KCNQ1OT1: variants seen among roughly 807,000 people sequenced by gnomAD.
The protein encoded by KCNQ1OT1 is KCNQ1 antisense RNA 2 (non-protein coding).
At chr11:2,643,028 T>G in exon 1 of KCNQ1OT1, 1 of 398,008 alleles carries the variant, frequency 2.5e-6, no homozygotes, top group Non-Finnish European at 4.4e-6. Context: ...ATATGTGATA[T>G]GAATCCAATT....
chr11:2,693,446 C>T, exon 1 of KCNQ1OT1: 1 of 398,674 alleles, frequency 2.5e-6, no homozygotes, highest in Non-Finnish European at 4.4e-6. Context: ...GGCCCCCCAT[C>T]GAGTCCCCAT....
At position 2,670,905 on chromosome 11, in the gene KCNQ1OT1, G is replaced by A. The variant is rs1054162411; in HGVS notation, n.29090C>T. On this transcript the variant is annotated non_coding_transcript_exon_variant, in exon 1 of 1. Transcript: ENST00000597346. This position sits in a 1 kb window ranked among gnomAD's most constrained non-coding sequence, Gnocchi z 4.9. ...CCTCCTGGATTGCCTGGACAAGGCT[G>A]ACCTGCCCTCCCAGGATGCAAATTG... 1 of 398,556 alleles carries A rather than the reference G, an allele frequency of 2.5e-6. No homozygotes were observed. Among genetic ancestry groups the A allele is most frequent in the African/African-American group, 2.1e-5 (1 of 48,640 alleles). 24.7% of individuals were successfully genotyped at this position (398,556 alleles called of 1,614,324 possible).
chr11:2,646,606 A>G (rs1849669796), exon 1 of KCNQ1OT1: 2 of 398,484 alleles, frequency 5.0e-6, no homozygotes, highest in East Asian at 3.6e-5. Flanking sequence ...GCTCACTGCA[A>G]CCTTCACCTC....
In KCNQ1OT1 at chr11:2,695,470, G is replaced by T. The variant is rs777151157; in HGVS notation, n.4525C>A. The T allele has an allele frequency of 8.3e-5, 33 of 398,422 alleles. No homozygotes were observed. Among genetic ancestry groups the T allele is most frequent in the Non-Finnish European group, 1.4e-4 (31 of 226,104 alleles). The allele number at this position is 398,422 out of a possible 1,614,324, so 24.7% of individuals were successfully genotyped here. ...GTCACTCAGCACTGTGTTTCCACGCGTCTCTATCTTGTGAAGTGTACATCT... is the reference window on the plus strand; with the variant it reads ...GTCACTCAGCACTGTGTTTCCACGCTTCTCTATCTTGTGAAGTGTACATCT... On this transcript the variant is annotated non_coding_transcript_exon_variant, in exon 1 of 1. Coordinates refer to ENST00000597346, the Ensembl canonical transcript of KCNQ1OT1. This position sits in a 1 kb window ranked among gnomAD's most constrained non-coding sequence, Gnocchi z 5.2.
chr11:2,627,371 T>C lies in KCNQ1OT1; in HGVS notation n.72624A>G. The C allele has an allele frequency of 2.5e-6, 1 of 398,520 alleles. No homozygotes were observed. 24.7% of individuals were successfully genotyped at this position (398,520 alleles called of 1,614,324 possible). A position where few individuals can be genotyped will look rare whatever the true frequency, so the allele number is the denominator to read the frequency against. The stretch of plus-strand genomic sequence containing the variant: ...AGCAAATTCCAAGTATAGAATATAT[T>C]AACTATAGTCACCAATCTGGACGTT... On this transcript the variant is annotated non_coding_transcript_exon_variant, in exon 1 of 1. Coordinates refer to ENST00000597346, the Ensembl canonical transcript of KCNQ1OT1. This position sits in a 1 kb window ranked among gnomAD's most constrained non-coding sequence, Gnocchi z 4.9.
At position 2,690,919 on chromosome 11, in the gene KCNQ1OT1, C is replaced by T. The variant is rs566356512; in HGVS notation, n.9076G>A. 7.5e-6 allele frequency: 3 copies of T among 398,312 alleles called. No homozygotes were observed. Among genetic ancestry groups the T allele is most frequent in the African/African-American group, 2.1e-5 (1 of 48,542 alleles). The allele number at this position is 398,312 out of a possible 1,614,324, so 24.7% of individuals were successfully genotyped here. ...GGGTTTTGTCATGTGTAGGTCCCAG[C>T]GGCTTTAAGCCAACCTGAAAGGTTC... On this transcript the variant is annotated non_coding_transcript_exon_variant, in exon 1 of 1. Coordinates refer to ENST00000597346, the Ensembl canonical transcript of KCNQ1OT1. This position sits in a 1 kb window ranked among gnomAD's most constrained non-coding sequence, Gnocchi z 5.1.
rs186767935 is a variant in KCNQ1OT1, at chr11:2,669,035, C to T, written n.30960G>A. On this transcript the variant is annotated non_coding_transcript_exon_variant, in exon 1 of 1. Transcript: ENST00000597346. The surrounding 1 kb of genome is among the most constrained non-coding windows in gnomAD (Gnocchi z 5.6). ...CTTGGATATCCAGTCTAGCTCAGCA[C>T]CCGGCATGGGAAGGCCCGTCCTCTC... The T allele has an allele frequency of 2.5e-6, 1 of 398,698 alleles. No homozygotes were observed. The highest frequency in any genetic ancestry group is 4.4e-6 in the Non-Finnish European group (1 of 226,106). 24.7% of individuals were successfully genotyped at this position (398,698 alleles called of 1,614,324 possible).
At position 2,652,310 on chromosome 11, in the gene KCNQ1OT1, G is replaced by T; in HGVS notation, n.47685C>A. ...AGGCTTCTCCCTCACTAATTGCTTTGATTATTGTGTGAAGTTAAGAACTGG... is the reference window on the plus strand; with the variant it reads ...AGGCTTCTCCCTCACTAATTGCTTTTATTATTGTGTGAAGTTAAGAACTGG... On this transcript the variant is annotated non_coding_transcript_exon_variant, in exon 1 of 1. Transcript: ENST00000597346. The surrounding 1 kb of genome is among the most constrained non-coding windows in gnomAD (Gnocchi z 5.9). The T allele has an allele frequency of 2.5e-6, 1 of 398,622 alleles. No homozygotes were observed. The highest frequency in any genetic ancestry group is 1.3e-4 in the South Asian group (1 of 7,844). 24.7% of individuals were successfully genotyped at this position (398,622 alleles called of 1,614,324 possible). A position where few individuals can be genotyped will look rare whatever the true frequency, so the allele number is the denominator to read the frequency against.
At chr11:2,629,135 A>G (rs988154127) in exon 1 of KCNQ1OT1, 17 of 398,194 alleles carry the variant, frequency 4.3e-5, no homozygotes, top group Non-Finnish European at 6.2e-5. Context: ...AAAAAAAGTC[A>G]CTGGAAATTT....
At position 2,642,756 on chromosome 11, in the gene KCNQ1OT1, G is replaced by T; in HGVS notation, n.57239C>A. 5.0e-6 allele frequency: 2 copies of T among 397,660 alleles called. No individual in the cohort carries two copies. The highest frequency in any genetic ancestry group is 8.8e-5 in the Admixed American group (2 of 22,704). The allele number at this position is 397,660 out of a possible 1,614,324, so 24.6% of individuals were successfully genotyped here. A position where few individuals can be genotyped will look rare whatever the true frequency, so the allele number is the denominator to read the frequency against. ...TCTGGTTCCTTCAGGTGTATCATTA[G>T]ATTATTTAAGATCTTTTCTACCTTT... On this transcript the variant is annotated non_coding_transcript_exon_variant, in exon 1 of 1. Coordinates refer to ENST00000597346, the Ensembl canonical transcript of KCNQ1OT1. The surrounding 1 kb of genome is among the most constrained non-coding windows in gnomAD (Gnocchi z 4.3).
chr11:2,649,853 G>A (rs766826020), exon 1 of KCNQ1OT1: 1 of 398,346 alleles, frequency 2.5e-6, no homozygotes, highest in African/African-American at 2.1e-5. Context: ...AACTTTGGCA[G>A]TTTTCAGGTA....
In KCNQ1OT1 at chr11:2,657,780, T is replaced by C. The variant is rs759739851; in HGVS notation, n.42215A>G. 6 of 398,526 alleles carry C rather than the reference T, an allele frequency of 1.5e-5. No individual in the cohort carries two copies. The highest frequency in any genetic ancestry group is 2.7e-5 in the Non-Finnish European group (6 of 226,066). The allele number at this position is 398,526 out of a possible 1,614,324, so 24.7% of individuals were successfully genotyped here. A position where few individuals can be genotyped will look rare whatever the true frequency, so the allele number is the denominator to read the frequency against. On this transcript the variant is annotated non_coding_transcript_exon_variant, in exon 1 of 1. Coordinates refer to ENST00000597346, the Ensembl canonical transcript of KCNQ1OT1. The surrounding 1 kb of genome is among the most constrained non-coding windows in gnomAD (Gnocchi z 4.8). ...CTTGTTCTTCATTAACTTGACACTTTTGAAGAATACCAGTCAGGTGTCATT... is the reference window on the plus strand; with the variant it reads ...CTTGTTCTTCATTAACTTGACACTTCTGAAGAATACCAGTCAGGTGTCATT...
In KCNQ1OT1 at chr11:2,624,736, C is replaced by G. The variant is rs1849235417; in HGVS notation, n.75259G>C. On this transcript the variant is annotated non_coding_transcript_exon_variant, in exon 1 of 1. Coordinates refer to ENST00000597346, the Ensembl canonical transcript of KCNQ1OT1. This position sits in a 1 kb window ranked among gnomAD's most constrained non-coding sequence, Gnocchi z 4.9. ...ACTCTATATCCATTAAACAATAATT[C>G]CCCAACCCCCCCACCACCGCCATCT... 1 of 398,378 alleles carries G rather than the reference C, an allele frequency of 2.5e-6. No individual in the cohort carries two copies. Among genetic ancestry groups the G allele is most frequent in the Admixed American group, 4.4e-5 (1 of 22,706 alleles). The allele number at this position is 398,378 out of a possible 1,614,324, so 24.7% of individuals were successfully genotyped here. A position where few individuals can be genotyped will look rare whatever the true frequency, so the allele number is the denominator to read the frequency against.
At chr11:2,696,202 A>C in exon 1 of KCNQ1OT1, 1 of 398,556 alleles carries the variant, frequency 2.5e-6, no homozygotes, top group Non-Finnish European at 4.4e-6. Context: ...CTGGCCCTGG[A>C]GATTATTCAT....
chr11:2,666,062 C>T, exon 1 of KCNQ1OT1: 1 of 398,654 alleles, frequency 2.5e-6, no homozygotes, highest in East Asian at 3.6e-5. Context: ...AGAGGACAGG[C>T]CCATAAGCCC....
In KCNQ1OT1 at chr11:2,653,847, G is replaced by A. The variant is rs561399856; in HGVS notation, n.46148C>T. ...GGACCCCTTTGGGGATGGCCAGAGG[G>A]TACCTAAACACTGCACACTAGGAGT... On this transcript the variant is annotated non_coding_transcript_exon_variant, in exon 1 of 1. Transcript: ENST00000597346. The surrounding 1 kb of genome is among the most constrained non-coding windows in gnomAD (Gnocchi z 5.3). 124 of 398,624 alleles carry A rather than the reference G, an allele frequency of 3.1e-4. No homozygotes were observed. Among genetic ancestry groups the A allele is most frequent in the African/African-American group, 2.4e-3 (115 of 48,738 alleles). 24.7% of individuals were successfully genotyped at this position (398,624 alleles called of 1,614,324 possible). A position where few individuals can be genotyped will look rare whatever the true frequency, so the allele number is the denominator to read the frequency against.
In KCNQ1OT1 at chr11:2,617,023, G is replaced by A. The variant is rs565936624; in HGVS notation, n.82972C>T. On this transcript the variant is annotated non_coding_transcript_exon_variant, in exon 1 of 1. Coordinates refer to ENST00000597346, the Ensembl canonical transcript of KCNQ1OT1. The surrounding 1 kb of genome is among the most constrained non-coding windows in gnomAD (Gnocchi z 4.6). The stretch of plus-strand genomic sequence containing the variant: ...AGTGTATAAAACATACAGTTAAATC[G>A]TTAACATAGTGATGCAAATTAATAT... 3.8e-5 allele frequency: 15 copies of A among 397,422 alleles called. No homozygotes were observed. The highest frequency in any genetic ancestry group is 7.1e-5 in the East Asian group (2 of 28,016). The allele number at this position is 397,422 out of a possible 1,614,324, so 24.6% of individuals were successfully genotyped here.
exon 1 of KCNQ1OT1, chr11:2,641,150 G>A: frequency 2.5e-6 from 1 of 398,442 alleles, no homozygotes; most frequent in Non-Finnish European, 4.4e-6. Context: ...TACATTTTTA[G>A]TATACTGATA....
In KCNQ1OT1 at chr11:2,645,274, G is replaced by T. The variant is rs190398573; in HGVS notation, n.54721C>A. 25 of 398,746 alleles carry T rather than the reference G, an allele frequency of 6.3e-5. No individual in the cohort carries two copies. Among genetic ancestry groups the T allele is most frequent in the African/African-American group, 3.9e-4 (19 of 48,722 alleles). The allele number at this position is 398,746 out of a possible 1,614,324, so 24.7% of individuals were successfully genotyped here. ...GTGGTGGTAATGGTCAGTTGGGTAG[G>T]GCAGTCCTCAAGCCCCCAGGAGTGC... On this transcript the variant is annotated non_coding_transcript_exon_variant, in exon 1 of 1. Transcript: ENST00000597346. The surrounding 1 kb of genome is among the most constrained non-coding windows in gnomAD (Gnocchi z 5.8).
Sources: gnomAD v4.1 joint callset for allele counts on GRCh38, gnomAD v4.1.1 for gene constraint, Gnocchi (gnomAD v3.1) non-coding constraint, MANE v1.5 for transcripts, NCBI Gene and HGNC (gene_info 2026-07-23, HGNC 2026-07-21) for gene names.